The following ITGA11 variants were observed in gnomAD, a reference collection of about 807,000 sequenced individuals.
The protein encoded by ITGA11 is integrin subunit alpha 11, also known as integrin alpha-11.
Under a neutral mutation model 141.9 loss-of-function variants are expected in ITGA11, and 97 were observed. The observed-to-expected ratio is 0.68, with a 90% CI of 0.58 to 0.81. The LOEUF is 0.81. Ranked by LOEUF, ITGA11 falls within the 30% of genes least tolerant of loss-of-function variation. ITGA11 has a pLI of 0.00. For synonymous variants in ITGA11, 658 were observed against 624.6 expected, an observed-to-expected ratio of 1.05 and a Z score of -0.80; for missense variants, 1,387 against 1,559.2, an observed-to-expected ratio of 0.89 and a Z score of 1.86.
chr15:68,311,625 G>A (rs1893390031), intron 24 of ITGA11, among the ~76,000 whole-genome samples: 1 of 152,198 alleles, frequency 6.6e-6, no homozygotes, highest in Non-Finnish European at 1.5e-5. Context: ...GAGAGGGGAT[G>A]GGTGGCTGGA....
chr15:68,398,623 T>A (rs994195230), intron 2 of ITGA11, among the ~76,000 whole-genome samples: 1 of 148,174 alleles, frequency 6.7e-6, no homozygotes, highest in African/African-American at 2.5e-5. Flanking sequence ...TAAATATTTT[T>A]ATGGTATAAA....
At chr15:68,392,971 G>A (rs943943527) in intron 2 of ITGA11, among the ~76,000 whole-genome samples, 4 of 152,166 alleles carry the variant, frequency 2.6e-5, no homozygotes, top group Non-Finnish European at 1.5e-5. Flanking sequence ...TAATTAATGT[G>A]TTAAAGAAAA....
chr15:68,403,084 A>G, intron 1 of ITGA11, 55 bp from the exon 2 acceptor site: 1 of 1,217,598 alleles, frequency 8.2e-7, no homozygotes, highest in Non-Finnish European at 1.2e-6. Flanking sequence ...GCAGAGGTGT[A>G]GGCCCTGGGC....
At chr15:68,345,904 C>T (rs549007721) in intron 10 of ITGA11, among the ~76,000 whole-genome samples, 8 of 152,362 alleles carry the variant, frequency 5.3e-5, no homozygotes, top group African/African-American at 1.9e-4. Flanking sequence ...AAATAGCCCC[C>T]AGTGCCCGGT....
chr15:68,326,833 G>A lies in ITGA11; in HGVS notation c.2069-37C>T, dbSNP rs1893990820. ...GAGAGGGCAAGACCACAAAGGTGGA[G>A]CCACATGCCCATCCAAGACTGTCTG... is the stretch of plus-strand genomic sequence containing the variant. On this transcript the variant is annotated intron_variant, in intron 16 of 29. Coordinates refer to ENST00000315757, the MANE Select transcript of ITGA11 (RefSeq NM_001004439.2). The surrounding 1 kb of genome is among the most constrained non-coding windows in gnomAD (Gnocchi z 6.8). The A allele has an allele frequency of 6.4e-7, 1 of 1,554,566 alleles. No individual in the cohort carries two copies. The highest frequency in any genetic ancestry group is 2.4e-5 in the East Asian group (1 of 41,766).
Position 68,301,856 on chromosome 15 carries a change from G to T in ITGA11, c.*1203C>A, listed in dbSNP as rs1026159870. 1 of 152,626 alleles carries T rather than the reference G, an allele frequency of 6.6e-6. No homozygotes were observed. The highest frequency in any genetic ancestry group is 1.5e-5 in the Non-Finnish European group (1 of 68,056). The allele number at this position is 152,626 out of a possible 1,614,324, so 9.5% of individuals were successfully genotyped here. On this transcript the variant is annotated 3_prime_UTR_variant, in exon 30 of 30. Transcript: ENST00000315757. The surrounding 1 kb of genome is among the most constrained non-coding windows in gnomAD (Gnocchi z 4.4). ...AATTACTCCACTGGGCGCCAGGCAC[G>T]CCCCTTGTCCTTGGGGCATTATCAC...
chr15:68,369,264 A>G lies in ITGA11; in HGVS notation c.185T>C (p.Leu62Pro), dbSNP rs1354695651. The G allele has an allele frequency of 6.2e-7, 1 of 1,613,844 alleles. No individual in the cohort carries two copies. Among genetic ancestry groups the G allele is most frequent in the Non-Finnish European group, 8.5e-7 (1 of 1,179,826 alleles). The change falls in exon 3 of 30, where the codon CTG (leucine) becomes CCG (proline). Residue 62 changes from leucine to proline, a missense_variant. By Grantham distance (98) the Leu-to-Pro change is moderately conservative. Transcript: ENST00000315757. ...CGTCTTCTGGTAGCCATTGGTTTCC[A>G]GTGGGGCGCCCACGACCAGCCTGGG... ...GNKWLVVGAP[L>P]ETNGYQKTGD... is the part of the protein sequence containing the mutation.
chr15:68,336,298 C>T (rs12442156), intron 11 of ITGA11, among the ~76,000 whole-genome samples: 28,171 of 152,096 alleles, frequency 0.19, 3,681 homozygotes, highest in East Asian at 0.51. Flanking sequence ...TTACCACAAA[C>T]GCCTGCTAAG....
At chr15:68,414,662 G>C (rs916304556) in intron 1 of ITGA11, among the ~76,000 whole-genome samples, 15 of 152,214 alleles carry the variant, frequency 9.9e-5, no homozygotes, top group African/African-American at 3.4e-4. Context: ...CCTCAGAGGG[G>C]AGGAGCAGGC....
chr15:68,364,124 C>T (rs995686085), intron 4 of ITGA11, among the ~76,000 whole-genome samples: 6 of 152,176 alleles, frequency 3.9e-5, no homozygotes, highest in East Asian at 1.9e-4. Context: ...TTCTTCCTTG[C>T]GAAGGCCTGT....
Position 68,402,906 on chromosome 15 carries a change from G to A in ITGA11, c.164+12C>T, listed in dbSNP as rs369813677. Reference sequence around the variant, plus strand: ...GGTACAGGGCTGGGTGTGGGCGGCCGCTCTCACTCACCACTTATTGCCACT... The same window carrying A: ...GGTACAGGGCTGGGTGTGGGCGGCCACTCTCACTCACCACTTATTGCCACT... On this transcript the variant is annotated intron_variant, in intron 2 of 29. Coordinates refer to ENST00000315757, the MANE Select transcript of ITGA11 (RefSeq NM_001004439.2). The A allele has an allele frequency of 2.1e-5, 34 of 1,586,496 alleles. No individual in the cohort carries two copies. The East Asian group carries it at 2.9e-4, about 14-fold the overall frequency.
chr15:68,328,513 C>T lies in ITGA11; in HGVS notation c.1902-251G>A, dbSNP rs1050525606. Among the ~76,000 whole-genome samples, 1 of 152,130 alleles carries T rather than the reference C, an allele frequency of 6.6e-6. No individual in the cohort carries two copies. The highest frequency in any genetic ancestry group is 2.4e-5 in the African/African-American group (1 of 41,436). On this transcript the variant is annotated intron_variant, in intron 15 of 29. Coordinates refer to ENST00000315757, the MANE Select transcript of ITGA11 (RefSeq NM_001004439.2). The surrounding 1 kb of genome is among the most constrained non-coding windows in gnomAD (Gnocchi z 4.8). ...TCCATGCAGCCCCTCAGCACTTTCC[C>T]CGAGGGGCTGTGCTCGCTGTGGATC...
chr15:68,351,146 AGGG>A, intron 8 of ITGA11, 109 bp downstream of exon 8: 1 of 1,168,466 alleles, frequency 8.6e-7, no homozygotes, highest in Non-Finnish European at 1.2e-6. Context: ...GGCTTTTTTG[AGGG>A]CCTGGACACT....
At position 68,301,442 on chromosome 15, in the gene ITGA11, T is replaced by G. The variant is rs1279504821; in HGVS notation, c.*1617A>C. 6.6e-6 allele frequency: 1 copy of G among 152,300 alleles called. No individual in the cohort carries two copies. Among genetic ancestry groups the G allele is most frequent in the Non-Finnish European group, 1.5e-5 (1 of 68,118 alleles). The allele number at this position is 152,300 out of a possible 1,614,324, so 9.4% of individuals were successfully genotyped here. A position where few individuals can be genotyped will look rare whatever the true frequency, so the allele number is the denominator to read the frequency against. ...AGGGCAGAAGCTACAGTGAAACATT[T>G]AGGTCCTAACCGTCCACACTGGCCA... On this transcript the variant is annotated 3_prime_UTR_variant, in exon 30 of 30. Transcript: ENST00000315757. The surrounding 1 kb of genome is among the most constrained non-coding windows in gnomAD (Gnocchi z 4.4).
chr15:68,405,064 C>T (rs558290980), intron 1 of ITGA11, among the ~76,000 whole-genome samples: 1 of 152,242 alleles, frequency 6.6e-6, no homozygotes, highest in South Asian at 2.1e-4. Flanking sequence ...CCCCTGGGCA[C>T]TGACCCCCTG....
intron 1 of ITGA11, among the ~76,000 whole-genome samples, chr15:68,423,646 A>G (rs1482827891): frequency 6.6e-6 from 1 of 152,152 alleles, no homozygotes; most frequent in Admixed American, 6.5e-5. Context: ...TTAAGGAGGA[A>G]AGTAAGACAA....
At chr15:68,337,668 G>T (rs1018307692) in intron 11 of ITGA11, among the ~76,000 whole-genome samples, 30 of 152,300 alleles carry the variant, frequency 2.0e-4, no homozygotes, top group African/African-American at 7.0e-4. Flanking sequence ...GGGTGGCTTT[G>T]CTGGGCCAGG....
intron 2 of ITGA11, among the ~76,000 whole-genome samples, chr15:68,371,334 G>A (rs886614697): frequency 2.6e-5 from 4 of 152,184 alleles, no homozygotes; most frequent in African/African-American, 2.4e-5. Context: ...TGAGGGACAC[G>A]TTCCTCCCGG....
At position 68,301,527 on chromosome 15, in the gene ITGA11, G is replaced by A. The variant is rs891018150; in HGVS notation, c.*1532C>T. On this transcript the variant is annotated 3_prime_UTR_variant, in exon 30 of 30. Coordinates refer to ENST00000315757, the MANE Select transcript of ITGA11 (RefSeq NM_001004439.2). The surrounding 1 kb of genome is among the most constrained non-coding windows in gnomAD (Gnocchi z 4.4). ...CCACCACTGGAGACGTCACACGGAG[G>A]CCAGGCAGCCACTAGGAGGGCATGT... 7 of 152,288 alleles carry A rather than the reference G, an allele frequency of 4.6e-5. No homozygotes were observed. Among genetic ancestry groups the A allele is most frequent in the African/African-American group, 1.4e-4 (6 of 41,418 alleles). The allele number at this position is 152,288 out of a possible 1,614,324, so 9.4% of individuals were successfully genotyped here. A position where few individuals can be genotyped will look rare whatever the true frequency, so the allele number is the denominator to read the frequency against.
Sources: allele counts gnomAD v4.1 joint callset (sites outside exome capture counted in the v4.1 genomes callset), GRCh38; gene constraint gnomAD v4.1.1; non-coding constraint Gnocchi (gnomAD v3.1); transcripts MANE v1.5; gene names NCBI Gene and HGNC (gene_info 2026-07-23, HGNC 2026-07-21).